ZNF366: variants seen among roughly 807,000 people sequenced by gnomAD.
ZNF366 encodes the protein dendritic cell-specific transcript protein.
ZNF366 carries 20 observed loss-of-function variants against 47.2 expected under a neutral mutation model. The ratio of observed to expected loss-of-function variants is 0.42; its 90% confidence interval spans 0.30 to 0.62. The LOEUF (loss-of-function observed/expected upper bound fraction) is 0.62, where lower values mean the gene tolerates loss of function less well. Ranked by LOEUF, ZNF366 falls within the 20% of genes least tolerant of loss-of-function variation. The pLI, the probability that ZNF366 is intolerant of heterozygous loss-of-function variation, is 0.16. For missense variants in ZNF366, 987 were observed against 976.3 expected, an observed-to-expected ratio of 1.01 and a Z score of -0.15; for synonymous variants, 421 against 395.1, an observed-to-expected ratio of 1.07 and a Z score of -0.78.
intron 1 of ZNF366, among the ~76,000 whole-genome samples, chr5:72,504,650 G>C (rs1279062542): frequency 1.3e-5 from 2 of 152,174 alleles, no homozygotes; most frequent in African/African-American, 4.8e-5. Flanking sequence ...TGCTCTGATA[G>C]ATCCTTGGTA....
At chr5:72,479,442 T>G (rs1261751312) in intron 1 of ZNF366, among the ~76,000 whole-genome samples, 3 of 151,434 alleles carry the variant, frequency 2.0e-5, no homozygotes, top group African/African-American at 7.3e-5. Flanking sequence ...AAAAGAAAAA[T>G]AAAAAAATCC....
Position 72,448,324 on chromosome 5 carries a change from T to C in ZNF366, c.1525-907A>G, listed in dbSNP as rs1027802744. ...GTCATTCTCTCTATTTCAATCAAAG[T>C]GCAAATACATGAAGGACAACTGGTT... On this transcript the variant is annotated intron_variant, in intron 3 of 4. Transcript: ENST00000318442. 5.3e-5 allele frequency among the ~76,000 whole-genome samples: 8 copies of C among 152,276 alleles called. No individual in the cohort carries two copies. In the East Asian group the frequency reaches 1.5e-3, roughly 29 times the overall value.
intron 1 of ZNF366, among the ~76,000 whole-genome samples, chr5:72,489,784 TG>T (rs1484423449): frequency 2.0e-5 from 3 of 152,234 alleles, no homozygotes; most frequent in Non-Finnish European, 4.4e-5. Flanking sequence ...ACCTTCTCTC[TG>T]AAATTTACAA....
chr5:72,480,950 A>C (rs1459250176), intron 1 of ZNF366, among the ~76,000 whole-genome samples: 1 of 152,198 alleles, frequency 6.6e-6, no homozygotes. Context: ...GTATTGCCTA[A>C]GAAGTGAGCC....
In ZNF366 at chr5:72,442,133, T is replaced by G. The variant is rs542464258; in HGVS notation, c.*1623A>C. 3.0e-4 allele frequency: 45 copies of G among 152,294 alleles called. No individual in the cohort carries two copies. Among genetic ancestry groups the G allele is most frequent in the African/African-American group, 1.1e-3 (45 of 41,558 alleles). The allele number at this position is 152,294 out of a possible 1,614,324, so 9.4% of individuals were successfully genotyped here. A position where few individuals can be genotyped will look rare whatever the true frequency, so the allele number is the denominator to read the frequency against. Reference sequence around the variant, plus strand: ...AAAGTGTGTATCTATATATAGACTGTGTGTGTCCGCTCATAAGGCTCTTAC... The same window carrying G: ...AAAGTGTGTATCTATATATAGACTGGGTGTGTCCGCTCATAAGGCTCTTAC... On this transcript the variant is annotated 3_prime_UTR_variant, in exon 5 of 5. Transcript: ENST00000318442.
At chr5:72,490,139 C>T (rs779881465) in intron 1 of ZNF366, among the ~76,000 whole-genome samples, 2 of 152,182 alleles carry the variant, frequency 1.3e-5, no homozygotes, top group African/African-American at 2.4e-5. Context: ...TCAAGAGTAG[C>T]TTCAAGGGTC....
chr5:72,485,414 C>T (rs1743872619), intron 1 of ZNF366, among the ~76,000 whole-genome samples: 2 of 152,194 alleles, frequency 1.3e-5, no homozygotes. Context: ...TACCTCTTCC[C>T]AGTTCACTAA....
intron 1 of ZNF366, among the ~76,000 whole-genome samples, chr5:72,503,635 A>T (rs1744260033): frequency 6.6e-6 from 1 of 152,160 alleles, no homozygotes; most frequent in Non-Finnish European, 1.5e-5. Context: ...AAGTAAAGCA[A>T]CCTGTCAAGT....
chr5:72,444,227 C>T lies in ZNF366; in HGVS notation c.1764G>A (p.Glu588=). The change falls in exon 5 of 5, where the codon GAG becomes GAA. Residue 588 remains glutamate, a synonymous_variant. Coordinates refer to ENST00000318442, the MANE Select transcript of ZNF366 (RefSeq NM_152625.3). ...TAGVLRSLEQ[E]EPFDLSQKRR... Reference sequence around the variant, plus strand: ...GCTTCTGAGAGAGGTCAAAGGGCTCCTCCTGCTCCAGACTCCTCAGGACAC... The same window carrying T: ...GCTTCTGAGAGAGGTCAAAGGGCTCTTCCTGCTCCAGACTCCTCAGGACAC... 2.5e-6 allele frequency: 4 copies of T among 1,613,524 alleles called. No individual in the cohort carries two copies. Among genetic ancestry groups the T allele is most frequent in the Non-Finnish European group, 3.4e-6 (4 of 1,180,026 alleles).
rs527712273 is a variant in ZNF366, at chr5:72,494,928, C to A, written c.-15+12323G>T. Among the ~76,000 whole-genome samples the A allele has an allele frequency of 7.9e-5, 12 of 152,272 alleles. No homozygotes were observed. In the South Asian group the frequency reaches 2.5e-3, roughly 32 times the overall value. The stretch of plus-strand genomic sequence containing the variant: ...CATTTATCATGTAAACTGAAACTCA[C>A]TGTAACTTAACTGGCTCAACCCCCC... On this transcript the variant is annotated intron_variant, in intron 1 of 4. Coordinates refer to ENST00000318442, the MANE Select transcript of ZNF366 (RefSeq NM_152625.3).
In ZNF366 at chr5:72,482,896, GGC is replaced by G. The variant is rs1314328353; in HGVS notation, c.-14-21388_-14-21387del. Among the ~76,000 whole-genome samples, 11 of 152,118 alleles carry G rather than the reference GGC, an allele frequency of 7.2e-5. No individual in the cohort carries two copies. The East Asian group carries it at 2.1e-3, about 29-fold the overall frequency. ...ACATGTGTAGAAAGTAGCACAGTTT[GGC>G]ATGCTGAGTGTGCCAAATTTCCCTT... On this transcript the variant is annotated intron_variant, in intron 1 of 4. Transcript: ENST00000318442.
rs542926512 is a variant in ZNF366 at position 72,443,703 on chromosome 5, A to C, written c.*53T>G. The C allele has an allele frequency of 2.7e-5, 42 of 1,540,666 alleles. No homozygotes were observed. Among genetic ancestry groups the C allele is most frequent in the Non-Finnish European group, 3.5e-5 (40 of 1,139,294 alleles). ...AAAATGACAGTTCATGCAGAAAGCT[A>C]TATTTGAACTGCCTCCTTCTCATTT... is the stretch of plus-strand genomic sequence containing the variant. On this transcript the variant is annotated 3_prime_UTR_variant, in exon 5 of 5. Transcript: ENST00000318442.
rs745453777 is a variant in ZNF366 at position 72,451,386 on chromosome 5, A to T, written c.1525-3969T>A. On this transcript the variant is annotated intron_variant, in intron 3 of 4. Coordinates refer to ENST00000318442, the MANE Select transcript of ZNF366 (RefSeq NM_152625.3). Reference sequence around the variant, plus strand: ...AAAGTGCCCTTTAAACGTGGGTTGCATGGGTTATTAGGCTTTGAGATGTCA... The same window carrying T: ...AAAGTGCCCTTTAAACGTGGGTTGCTTGGGTTATTAGGCTTTGAGATGTCA... Among the ~76,000 whole-genome samples, 20 of 152,378 alleles carry T rather than the reference A, an allele frequency of 1.3e-4. No individual in the cohort carries two copies. In the East Asian group the frequency reaches 3.5e-3, roughly 26 times the overall value.
At chr5:72,470,039 C>T (rs991669773) in intron 1 of ZNF366, among the ~76,000 whole-genome samples, 18 of 152,056 alleles carry the variant, frequency 1.2e-4, no homozygotes, top group South Asian at 4.2e-4. Flanking sequence ...AGCAAGACCC[C>T]GACTTAAAAA....
chr5:72,444,779 T>C (rs1364577309), intron 4 of ZNF366, among the ~76,000 whole-genome samples: 1 of 152,188 alleles, frequency 6.6e-6, no homozygotes, highest in East Asian at 1.9e-4. Flanking sequence ...AACAAAAATA[T>C]ATGTAAGTAT....
At position 72,461,058 on chromosome 5, in the gene ZNF366, C is replaced by A; in HGVS notation, c.439G>T (p.Gly147Cys). ...ATGGGTTCCTGCTTGACGGGCTTGCCCCCAAAGTGTTCCAGGCTGCGGTAG... is the reference window on the plus strand; with the variant it reads ...ATGGGTTCCTGCTTGACGGGCTTGCACCCAAAGTGTTCCAGGCTGCGGTAG... The part of the protein sequence containing the change: ...QFYRSLEHFG[G>C]KPVKQEPIKP... Residue 147 changes from glycine (G) to cysteine (C), a missense_variant, in exon 2 of 5, where the codon GGC (glycine) becomes TGC (cysteine). By Grantham distance (159) the Gly-to-Cys change is radical. Around this residue, in one of 3 missense-constraint regions of ZNF366, gnomAD observed 591 missense variants for 560.9 expected, o/e 1.05. Transcript: ENST00000318442. The A allele has an allele frequency of 6.2e-7, 1 of 1,614,124 alleles. No individual in the cohort carries two copies. Among genetic ancestry groups the A allele is most frequent in the Non-Finnish European group, 8.5e-7 (1 of 1,180,038 alleles).
At chr5:72,489,764 T>C (rs536738266) in intron 1 of ZNF366, among the ~76,000 whole-genome samples, 56 of 152,356 alleles carry the variant, frequency 3.7e-4, no homozygotes, top group African/African-American at 1.2e-3. Flanking sequence ...ATTCCCACCA[T>C]GGGAAGAGAA....
At chr5:72,458,578 C>T (rs570732391) in intron 2 of ZNF366, among the ~76,000 whole-genome samples, 40 of 152,174 alleles carry the variant, frequency 2.6e-4, no homozygotes, top group African/African-American at 3.6e-4. Flanking sequence ...GTCAGGGGTG[C>T]GAACAGGGAA....
At chr5:72,455,978 A>G (rs999115624) in intron 3 of ZNF366, among the ~76,000 whole-genome samples, 31 of 152,122 alleles carry the variant, frequency 2.0e-4, no homozygotes, top group African/African-American at 7.5e-4. Flanking sequence ...GTGGGGGGGA[A>G]GCTGTGCTAG....
Sources: gnomAD v4.1 joint callset for allele counts (sites outside exome capture counted in the v4.1 genomes callset) on GRCh38, gnomAD v4.1.1 for gene constraint, gnomAD v4.1.1 regional missense constraint, MANE v1.5 for transcripts, NCBI Gene and HGNC (gene_info 2026-07-23, HGNC 2026-07-21) for gene names.